Variants in BEST1 observed in about 807,000 individuals in gnomAD.
The protein encoded by BEST1 is bestrophin-1.
BEST1 carries 58 observed loss-of-function variants against 63.3 expected under a neutral mutation model. That is an observed-to-expected ratio of 0.92 (90% CI 0.74 to 1.14). BEST1 has a LOEUF of 1.14. Among genes scored for constraint, BEST1 ranks in the 50% most tolerant of loss-of-function variants. BEST1 has a pLI of 0.00. For synonymous variants in BEST1, 283 were observed against 291.6 expected, an observed-to-expected ratio of 0.97 and a Z score of 0.30; for missense variants, 671 against 740.1, an observed-to-expected ratio of 0.91 and a Z score of 1.08.
At chr11:61,955,570 C>G (rs1941219557) in intron 3 of BEST1, 148 bp from the exon 4 acceptor site, 23 of 1,053,862 alleles carry the variant, frequency 2.2e-5, no homozygotes, top group Non-Finnish European at 2.8e-5. Context: ...CTGCCTGCCT[C>G]TCGCTCCCGA....
intron 8 of BEST1, 86 bp from the exon 9 acceptor site, chr11:61,959,806 G>A: frequency 6.4e-7 from 1 of 1,562,964 alleles, no homozygotes; most frequent in Non-Finnish European, 8.7e-7. Flanking sequence ...CAGAGAGAGG[G>A]AGAGATTCCT....
At chr11:61,963,816 C>T in intron 10 of BEST1, 1 of 1,262,348 alleles carries the variant, frequency 7.9e-7, no homozygotes, top group Non-Finnish European at 1.0e-6. Context: ...CCAACCTGGC[C>T]AACATGATGA....
chr11:61,957,388 A>G lies in BEST1; in HGVS notation c.638A>G (p.Glu213Gly), dbSNP rs748685592. ...CCATCCCCCTCTTCTGCCCCCCAGG[A>G]GATGAACACCTTGCGTACTCAGTGT... Reference protein sequence around the residue: ...DPILLQSLLNEMNTLRTQCGH... With the variant: ...DPILLQSLLNGMNTLRTQCGH... The change falls in exon 6 of 11, where the codon GAG (glutamate) becomes GGG (glycine). Residue 213 changes from glutamate to glycine, a missense_variant and splice_region_variant. Transcript: ENST00000378043. 3.4e-6 allele frequency: 5 copies of G among 1,480,984 alleles called. No homozygotes were observed. Among genetic ancestry groups the G allele is most frequent in the Non-Finnish European group, 4.7e-6 (5 of 1,059,528 alleles). 91.7% of individuals were successfully genotyped at this position (1,480,984 alleles called of 1,614,324 possible). A position where few individuals can be genotyped will look rare whatever the true frequency, so the allele number is the denominator to read the frequency against.
rs1941899954 is a variant in BEST1, at chr11:61,960,047, T to A, written c.1100+4T>A. ...TGGGCTCCACCTTCAACATCAGGTG[T>A]GGCCAGAGCCAGGGGGCTGGGTGGG... On this transcript the variant is annotated splice_donor_region_variant and intron_variant, in intron 9 of 10. Transcript: ENST00000378043. 6.2e-7 allele frequency: 1 copy of A among 1,606,812 alleles called. No individual in the cohort carries two copies. Among genetic ancestry groups the A allele is most frequent in the Non-Finnish European group, 8.5e-7 (1 of 1,177,206 alleles).
rs1355484070 is a variant in BEST1, at chr11:61,960,132, C to T, written c.1100+89C>T. 2.6e-6 allele frequency: 4 copies of T among 1,513,920 alleles called. No individual in the cohort carries two copies. The Admixed American group carries it at 7.8e-5, about 29-fold the overall frequency. The allele number at this position is 1,513,920 out of a possible 1,614,324, so 93.8% of individuals were successfully genotyped here. ...TTAGAATAGCACTAGTTAATGCATACAGGTTGCTTCAGTAAGTGTCAGGCA... is the reference window on the plus strand; with the variant it reads ...TTAGAATAGCACTAGTTAATGCATATAGGTTGCTTCAGTAAGTGTCAGGCA... On this transcript the variant is annotated intron_variant, in intron 9 of 10. Transcript: ENST00000378043.
intron 1 of BEST1, among the ~76,000 whole-genome samples, chr11:61,951,192 A>G (rs942584292): frequency 9.3e-5 from 14 of 150,858 alleles, no homozygotes; most frequent in African/African-American, 3.2e-4. Context: ...TGCCTTTGTC[A>G]TTGTATTATT....
At chr11:61,963,828 AC>A in intron 10 of BEST1, 1 of 1,279,048 alleles carries the variant, frequency 7.8e-7, no homozygotes, top group Non-Finnish European at 1.0e-6. Context: ...ACATGATGAA[AC>A]CCCATCTCTA....
intron 1 of BEST1, among the ~76,000 whole-genome samples, chr11:61,951,227 G>T (rs2134406638): frequency 7.0e-6 from 1 of 143,142 alleles, no homozygotes; most frequent in South Asian, 2.1e-4. Flanking sequence ...TTTATTTTTA[G>T]ACAGAGTTTT....
intron 3 of BEST1, 34 bp from the exon 4 acceptor site, chr11:61,955,684 C>G: frequency 6.5e-7 from 1 of 1,527,224 alleles, no homozygotes; most frequent in Non-Finnish European, 8.9e-7. Flanking sequence ...GCAGCCTGGC[C>G]CCTCGCCCCT....
rs899846348 is a variant in BEST1 at position 61,950,359 on chromosome 11, C to T, written c.-105C>T. On this transcript the variant is annotated 5_prime_UTR_variant, in exon 1 of 11. Coordinates refer to ENST00000378043, the MANE Select transcript of BEST1 (RefSeq NM_004183.4). Reference sequence around the variant, plus strand: ...GGGCAGGGGCACTGGCCACAGAGTCCCAGGGAGTCCCACCAGCCTAGTCGC... The same window carrying T: ...GGGCAGGGGCACTGGCCACAGAGTCTCAGGGAGTCCCACCAGCCTAGTCGC... 6.5e-5 allele frequency: 10 copies of T among 152,778 alleles called. No individual in the cohort carries two copies. The highest frequency in any genetic ancestry group is 2.4e-4 in the African/African-American group (10 of 41,434). The allele number at this position is 152,778 out of a possible 1,614,324, so 9.5% of individuals were successfully genotyped here. A position where few individuals can be genotyped will look rare whatever the true frequency, so the allele number is the denominator to read the frequency against.
Position 61,951,830 on chromosome 11 carries a change from A to C in BEST1, c.24A>C (p.Gln8His). The C allele has an allele frequency of 6.2e-7, 1 of 1,613,300 alleles. No individual in the cohort carries two copies. The highest frequency in any genetic ancestry group is 8.5e-7 in the Non-Finnish European group (1 of 1,180,018). The change falls in exon 2 of 11, where the codon CAA becomes CAC. Residue 8 changes from glutamine to histidine, a missense_variant. Coordinates refer to ENST00000378043, the MANE Select transcript of BEST1 (RefSeq NM_004183.4). ...CCATGACCATCACTTACACAAGCCA[A>C]GTGGCTAATGCCCGCTTAGGCTCCT... MTITYTSQVANARLGSFS... is the reference protein window; with the variant it reads MTITYTSHVANARLGSFS...
intron 4 of BEST1, among the ~76,000 whole-genome samples, chr11:61,956,489 C>CA (rs1245931693): frequency 6.6e-6 from 1 of 152,070 alleles, no homozygotes; most frequent in Non-Finnish European, 1.5e-5. Context: ...CCCATCTCTA[C>CA]AAAAACATTA....
chr11:61,960,321 G>C, intron 9 of BEST1: 1 of 542,068 alleles, frequency 1.8e-6, no homozygotes, highest in Non-Finnish European at 3.3e-6. Flanking sequence ...GACAGCCTGT[G>C]ATCAGTGATG....
In BEST1 at chr11:61,957,463, A is replaced by T; in HGVS notation, c.713A>T (p.Gln238Leu). 1.2e-6 allele frequency: 2 copies of T among 1,613,858 alleles called. No homozygotes were observed. Among genetic ancestry groups the T allele is most frequent in the Non-Finnish European group, 1.7e-6 (2 of 1,179,764 alleles). The change falls in exon 6 of 11, where the codon CAG becomes CTG. Residue 238 changes from glutamine (Q) to leucine (L), a missense_variant and splice_region_variant. Gln to Leu is a moderately radical substitution (Grantham distance 113). Transcript: ENST00000378043. ...ATTAGTATCCCACTGGTGTATACAC[A>T]GGTGAGGACTAGGCTGGTGAGGCTG... ...DWISIPLVYT[Q>L]VVTVAVYSFF...
At chr11:61,956,008 C>T (rs1941301162) in intron 4 of BEST1, 57 bp downstream of exon 4, 2 of 1,486,302 alleles carry the variant, frequency 1.3e-6, no homozygotes, top group Admixed American at 4.1e-5. Flanking sequence ...CCGAGATGGG[C>T]GCGGCAGGAA....
At chr11:61,954,395 C>G (rs530825067) in intron 2 of BEST1, among the ~76,000 whole-genome samples, 1 of 152,346 alleles carries the variant, frequency 6.6e-6, no homozygotes, top group East Asian at 1.9e-4. Flanking sequence ...TCCACCATCA[C>G]AGCATCAGGC....
At chr11:61,951,356 C>T (rs1390942896) in intron 1 of BEST1, among the ~76,000 whole-genome samples, 2 of 152,020 alleles carry the variant, frequency 1.3e-5, no homozygotes, top group Non-Finnish European at 2.9e-5. Context: ...TACAGGCACC[C>T]GCACCACGCC....
At chr11:61,958,330 G>T (rs538983103) in intron 7 of BEST1, 32 bp downstream of exon 7, 2 of 1,614,094 alleles carry the variant, frequency 1.2e-6, no homozygotes, top group African/African-American at 2.7e-5. Context: ...CTGGGCTGGA[G>T]GCATGGCCAG....
chr11:61,964,974 TTCCAATACTCACATGGGGG>T, downstream of BEST1: 1 of 1,614,084 alleles, frequency 6.2e-7, no homozygotes, highest in Non-Finnish European at 8.5e-7. Context: ...TTTCCTGGGG[TTCCAATACTCACATGGGGG>T]TCATTTTTGT....
Sources: allele counts gnomAD v4.1 joint callset (sites outside exome capture counted in the v4.1 genomes callset), GRCh38; gene constraint gnomAD v4.1.1; transcripts MANE v1.5; gene names NCBI Gene and HGNC (gene_info 2026-07-23, HGNC 2026-07-21).